SLC24A2: variants seen among roughly 807,000 people sequenced by gnomAD.
SLC24A2 encodes solute carrier family 24 member 2, also known as sodium/potassium/calcium exchanger 2.
In SLC24A2, 36 loss-of-function variants were observed where a neutral mutation model predicts 62.0. That is an observed-to-expected ratio of 0.58 (90% CI 0.44 to 0.77). SLC24A2 has a LOEUF of 0.77. Among genes scored for constraint, SLC24A2 ranks in the 30% least tolerant of loss-of-function variants. The pLI, the probability that SLC24A2 is intolerant of heterozygous loss-of-function variation, is 0.00. For missense variants in SLC24A2, 846 were observed against 817.9 expected, an observed-to-expected ratio of 1.03 and a Z score of -0.42; for synonymous variants, 358 against 294.0, an observed-to-expected ratio of 1.22 and a Z score of -2.23.
chr9:20,077,341 G>A, the SLC24A2 span, among the ~76,000 whole-genome samples: 1 of 152,036 alleles, frequency 6.6e-6, no homozygotes, highest in Non-Finnish European at 1.5e-5. Flanking sequence ...ATGTTAATCT[G>A]CTTCACTATA....
intron 5 of SLC24A2, among the ~76,000 whole-genome samples, chr9:19,587,373 T>C (rs1395280061): frequency 6.6e-6 from 1 of 152,222 alleles, no homozygotes; most frequent in Non-Finnish European, 1.5e-5. Flanking sequence ...TAGCATGTAT[T>C]GTCCCCTGGG....
At chr9:19,908,790 T>G in the SLC24A2 span, among the ~76,000 whole-genome samples, 1 of 152,218 alleles carries the variant, frequency 6.6e-6, no homozygotes, top group Non-Finnish European at 1.5e-5. Flanking sequence ...AGATACCATC[T>G]CATACCAGTT....
At chr9:19,771,356 G>A (rs768161490) in intron 2 of SLC24A2, among the ~76,000 whole-genome samples, 4 of 152,088 alleles carry the variant, frequency 2.6e-5, no homozygotes, top group African/African-American at 7.2e-5. Flanking sequence ...GCATTAACAC[G>A]CCAAAACATA....
intron 2 of SLC24A2, among the ~76,000 whole-genome samples, chr9:19,639,210 T>C (rs1042221010): frequency 4.6e-5 from 7 of 152,206 alleles, no homozygotes; most frequent in African/African-American, 1.7e-4. Flanking sequence ...TTATAGGTAA[T>C]TGAGTGGATT....
chr9:19,860,318 C>A, the SLC24A2 span, among the ~76,000 whole-genome samples: 1 of 152,154 alleles, frequency 6.6e-6, no homozygotes, highest in Non-Finnish European at 1.5e-5. Context: ...CCCTATCTCC[C>A]AGACATTTCT....
At chr9:20,046,074 CAGA>C in the SLC24A2 span, among the ~76,000 whole-genome samples, 9 of 152,338 alleles carry the variant, frequency 5.9e-5, no homozygotes, top group Middle Eastern at 3.4e-3. Context: ...GCTCTCCTTT[CAGA>C]AGAAGAATTC....
chr9:20,007,874 C>A, the SLC24A2 span, among the ~76,000 whole-genome samples: 36 of 117,298 alleles, frequency 3.1e-4, no homozygotes, highest in African/African-American at 1.1e-3. Flanking sequence ...TCTTCTTACT[C>A]CTCTCTTTTT....
intron 2 of SLC24A2, among the ~76,000 whole-genome samples, chr9:19,730,836 A>G (rs1330766250): frequency 1.3e-5 from 2 of 152,052 alleles, no homozygotes; most frequent in Non-Finnish European, 2.9e-5. Flanking sequence ...TGTTTAAATC[A>G]TCACTCCTAC....
chr9:20,124,209 T>C, the SLC24A2 span, among the ~76,000 whole-genome samples: 1 of 151,988 alleles, frequency 6.6e-6, no homozygotes, highest in African/African-American at 2.4e-5. Flanking sequence ...CTTGGCAAAG[T>C]GCCATGTATG....
At position 19,578,923 on chromosome 9, in the gene SLC24A2, T is replaced by C. The variant is rs143133469; in HGVS notation, c.1130-1901A>G. Reference sequence around the variant, plus strand: ...TCTCTAGGCCATAAGTACCTTAGTCTAGGCAATGAATGTGCACCACTGAGT... The same window carrying C: ...TCTCTAGGCCATAAGTACCTTAGTCCAGGCAATGAATGTGCACCACTGAGT... On this transcript the variant is annotated intron_variant, in intron 5 of 10. Coordinates refer to ENST00000341998, the MANE Select transcript of SLC24A2 (RefSeq NM_020344.4). Among the ~76,000 whole-genome samples the C allele has an allele frequency of 6.6e-4, 100 of 152,274 alleles. 1 individual carries two copies. Among genetic ancestry groups the C allele is most frequent in the African/African-American group, 2.3e-3 (97 of 41,558 alleles).
chr9:19,916,920 C>G, the SLC24A2 span, among the ~76,000 whole-genome samples: 1 of 148,692 alleles, frequency 6.7e-6, no homozygotes, highest in African/African-American at 2.5e-5. Flanking sequence ...AAATTCTGTA[C>G]CATTCCTAAT....
the SLC24A2 span, among the ~76,000 whole-genome samples, chr9:19,930,336 C>T: frequency 6.6e-6 from 1 of 152,202 alleles, no homozygotes; most frequent in Non-Finnish European, 1.5e-5. Flanking sequence ...AAATATTTAT[C>T]ATTGTGTTAC....
chr9:19,895,674 C>T, the SLC24A2 span: 20 of 760,778 alleles, frequency 2.6e-5, no homozygotes, highest in East Asian at 5.5e-4. Flanking sequence ...AGGCTCCTGC[C>T]TTCCTTCACA....
intron 2 of SLC24A2, among the ~76,000 whole-genome samples, chr9:19,687,801 T>A (rs941873822): frequency 1.3e-5 from 2 of 152,096 alleles, no homozygotes; most frequent in Non-Finnish European, 2.9e-5. Context: ...TTGAACCCTA[T>A]AATTTGGGTG....
chr9:19,697,848 C>A (rs1311366197), intron 2 of SLC24A2, among the ~76,000 whole-genome samples: 1 of 152,020 alleles, frequency 6.6e-6, no homozygotes, highest in Non-Finnish European at 1.5e-5. Flanking sequence ...GATATGGTGG[C>A]AAAGTTCACC....
chr9:19,517,906 T>C (rs149680040), intron 10 of SLC24A2, among the ~76,000 whole-genome samples: 91 of 120,634 alleles, frequency 7.5e-4, no homozygotes, highest in African/African-American at 2.8e-3. Flanking sequence ...TTTATTCTTA[T>C]TAAAACACAC....
At chr9:19,850,976 T>C in the SLC24A2 span, among the ~76,000 whole-genome samples, 317 of 47,102 alleles carry the variant, frequency 6.7e-3, 9 homozygotes, top group African/African-American at 0.028. Flanking sequence ...TGTATATATA[T>C]ATATATATGT....
the SLC24A2 span, among the ~76,000 whole-genome samples, chr9:20,094,939 G>C: frequency 6.6e-6 from 1 of 152,060 alleles, no homozygotes. Flanking sequence ...TTTCAAGTTT[G>C]GGTGTAGTAG....
At chr9:19,522,457 T>G (rs1379713326) in intron 9 of SLC24A2, among the ~76,000 whole-genome samples, 1 of 152,210 alleles carries the variant, frequency 6.6e-6, no homozygotes, top group Non-Finnish European at 1.5e-5. Flanking sequence ...CATATAAGAA[T>G]AAAGCCTTTT....
Sources: allele counts gnomAD v4.1 joint callset (sites outside exome capture counted in the v4.1 genomes callset), GRCh38; gene constraint gnomAD v4.1.1; transcripts MANE v1.5; gene names NCBI Gene and HGNC (gene_info 2026-07-23, HGNC 2026-07-21).